SIPA1L1: variants seen among roughly 807,000 people sequenced by gnomAD.
SIPA1L1 encodes the protein signal induced proliferation associated 1 like 1.
SIPA1L1 carries 26 observed loss-of-function variants against 162.7 expected under a neutral mutation model. The observed-to-expected ratio is 0.16, with a 90% CI of 0.12 to 0.22. The LOEUF (loss-of-function observed/expected upper bound fraction) is 0.22, where lower values mean the gene tolerates loss of function less well. Ranked by LOEUF, SIPA1L1 falls within the 10% of genes least tolerant of loss-of-function variation. SIPA1L1 has a pLI of 1.00. For missense variants in SIPA1L1, 1,874 were observed against 2,241.0 expected (o/e 0.84, Z 3.31); for synonymous variants, 829 against 837.4 (o/e 0.99, Z 0.17).
At chr14:71,570,636 CTT>C (rs1263947656) in intron 4 of SIPA1L1, among the ~76,000 whole-genome samples, 3 of 151,934 alleles carry the variant, frequency 2.0e-5, no homozygotes, top group African/African-American at 7.3e-5. Context: ...ATTAGCAAAA[CTT>C]AGCATGTAAA....
chr14:71,599,479 T>C (rs78316526), intron 5 of SIPA1L1, among the ~76,000 whole-genome samples: 1 of 140,634 alleles, frequency 7.1e-6, no homozygotes, highest in Non-Finnish European at 1.6e-5. Flanking sequence ...TTTTTTTTTT[T>C]AATCACCAAA....
intron 2 of SIPA1L1, among the ~76,000 whole-genome samples, chr14:71,325,125 A>G (rs1297113383): frequency 6.6e-6 from 1 of 152,342 alleles, no homozygotes; most frequent in East Asian, 1.9e-4. Context: ...AGACAGACGC[A>G]GTAAAATAAG....
rs774700027 is a variant in SIPA1L1, at chr14:71,588,237, T to A, written c.365T>A (p.Val122Asp). Residue 122 changes from valine (V) to aspartate (D), a missense_variant, in exon 5 of 24, where the codon GTT becomes GAT. Coordinates refer to ENST00000381232, the MANE Select transcript of SIPA1L1 (RefSeq NM_001386936.1). The surrounding 1 kb of genome is among the most constrained non-coding windows in gnomAD (Gnocchi z 4.3). Reference sequence around the variant, plus strand: ...AGTCCTGTGAGTCAGGGAAGTTCTGTTAGCCTCAATTCCAATGACTCAGCC... The same window carrying A: ...AGTCCTGTGAGTCAGGGAAGTTCTGATAGCCTCAATTCCAATGACTCAGCC... ...KSSPVSQGSSVSLNSNDSAML... is the reference protein window; with the variant it reads ...KSSPVSQGSSDSLNSNDSAML... 1.9e-6 allele frequency: 3 copies of A among 1,614,048 alleles called. No individual in the cohort carries two copies. Among genetic ancestry groups the A allele is most frequent in the African/African-American group, 1.3e-5 (1 of 74,928 alleles).
At chr14:71,493,000 A>C in intron 2 of SIPA1L1, among the ~76,000 whole-genome samples, 1 of 152,072 alleles carries the variant, frequency 6.6e-6, no homozygotes, top group East Asian at 1.9e-4. Context: ...TCTTTTACTT[A>C]TGTAACTGTT....
At chr14:71,409,038 T>C (rs1460531201) in intron 2 of SIPA1L1, among the ~76,000 whole-genome samples, 1 of 152,166 alleles carries the variant, frequency 6.6e-6, no homozygotes, top group Non-Finnish European at 1.5e-5. Flanking sequence ...TACTGTGTGT[T>C]CCCCCGTGAT....
At chr14:71,598,327 T>A in intron 5 of SIPA1L1, 1 of 559,986 alleles carries the variant, frequency 1.8e-6, no homozygotes, top group Non-Finnish European at 2.3e-6. Flanking sequence ...TTGCATGATC[T>A]CCAGGTATCT....
At position 71,709,215 on chromosome 14, in the gene SIPA1L1, C is replaced by T; in HGVS notation, c.3766-7C>T. 1 of 1,601,490 alleles carries T rather than the reference C, an allele frequency of 6.2e-7. No homozygotes were observed. The highest frequency in any genetic ancestry group is 8.5e-7 in the Non-Finnish European group (1 of 1,172,350). On this transcript the variant is annotated splice_region_variant and splice_polypyrimidine_tract_variant and intron_variant, in intron 16 of 23. Transcript: ENST00000381232. The stretch of plus-strand genomic sequence containing the variant: ...TTGCACTCAAATAAATTCTGCTTCT[C>T]TTGCAGTCTGATAGCCACTACTCGA...
chr14:71,483,871 T>C (rs2142815063), intron 2 of SIPA1L1, among the ~76,000 whole-genome samples: 1 of 152,258 alleles, frequency 6.6e-6, no homozygotes, highest in Admixed American at 6.5e-5. Flanking sequence ...TGCACTATGC[T>C]CTCTGTCACC....
chr14:71,360,829 A>C (rs956128894), intron 2 of SIPA1L1, among the ~76,000 whole-genome samples: 1 of 152,218 alleles, frequency 6.6e-6, no homozygotes, highest in African/African-American at 2.4e-5. Flanking sequence ...CTAAAATTAC[A>C]TTAGAGGAAA....
chr14:71,501,137 T>C (rs141492740), intron 2 of SIPA1L1, among the ~76,000 whole-genome samples: 51 of 152,158 alleles, frequency 3.4e-4, no homozygotes, highest in Non-Finnish European at 6.3e-4. Flanking sequence ...CTGGGGAACA[T>C]AGTTAGACGT....
At chr14:71,352,069 A>G (rs2036771708) in intron 2 of SIPA1L1, among the ~76,000 whole-genome samples, 1 of 151,926 alleles carries the variant, frequency 6.6e-6, no homozygotes, top group Admixed American at 6.6e-5. Context: ...TGGAAATATT[A>G]GAGTGGCCAG....
chr14:71,471,519 G>A (rs1427161249), intron 2 of SIPA1L1, among the ~76,000 whole-genome samples: 2 of 152,186 alleles, frequency 1.3e-5, no homozygotes, highest in Non-Finnish European at 2.9e-5. Context: ...GGACTGCCTT[G>A]GGGGCTGGAG....
chr14:71,538,072 C>T (rs1387947519), intron 4 of SIPA1L1, among the ~76,000 whole-genome samples: 1 of 152,170 alleles, frequency 6.6e-6, no homozygotes, highest in Non-Finnish European at 1.5e-5. Context: ...TTTCTAATTT[C>T]TTACCAGATG....
At chr14:71,674,549 GT>G (rs776605036) in intron 12 of SIPA1L1, among the ~76,000 whole-genome samples, 9 of 137,384 alleles carry the variant, frequency 6.6e-5, no homozygotes, top group Admixed American at 7.2e-5. Flanking sequence ...TAGCATTCCT[GT>G]TTTTTTTTTG....
chr14:71,559,413 C>T (rs2056607347), intron 4 of SIPA1L1, among the ~76,000 whole-genome samples: 1 of 152,094 alleles, frequency 6.6e-6, no homozygotes, highest in Non-Finnish European at 1.5e-5. Flanking sequence ...GAAGTTTTTC[C>T]AACTTTTCTT....
At chr14:71,672,657 C>A (rs770958242) in intron 12 of SIPA1L1, 35 bp downstream of exon 12, 2 of 1,601,314 alleles carry the variant, frequency 1.2e-6, no homozygotes, top group Non-Finnish European at 8.5e-7. Flanking sequence ...GCCTGAGACT[C>A]GAGTGCAGGG....
intron 6 of SIPA1L1, 93 bp downstream of exon 6, chr14:71,618,980 T>A: frequency 7.5e-7 from 1 of 1,339,484 alleles, no homozygotes; most frequent in Non-Finnish European, 1.0e-6. Context: ...TAATAGCACA[T>A]GGTTACAGCT....
intron 2 of SIPA1L1, among the ~76,000 whole-genome samples, chr14:71,336,173 T>C (rs910616040): frequency 1.3e-5 from 2 of 152,252 alleles, no homozygotes; most frequent in African/African-American, 4.8e-5. Context: ...TAATTATTTA[T>C]GTACTCCTAA....
intron 2 of SIPA1L1, among the ~76,000 whole-genome samples, chr14:71,443,789 A>G (rs1045078999): frequency 4.6e-5 from 7 of 152,216 alleles, no homozygotes; most frequent in Admixed American, 4.6e-4. Flanking sequence ...CACTTTTCTG[A>G]GAAATAAAGG....
Sources: allele counts gnomAD v4.1 joint callset (sites outside exome capture counted in the v4.1 genomes callset), GRCh38; gene constraint gnomAD v4.1.1; non-coding constraint Gnocchi (gnomAD v3.1); transcripts MANE v1.5; gene names NCBI Gene and HGNC (gene_info 2026-07-23, HGNC 2026-07-21).